Variants in NFAT5 observed in about 807,000 individuals in gnomAD.
The protein encoded by NFAT5 is nuclear factor of activated T cells 5.
In NFAT5, 31 loss-of-function variants were observed where a neutral mutation model predicts 166.5. The ratio of observed to expected loss-of-function variants is 0.19; its 90% CI spans 0.14 to 0.25. The LOEUF (loss-of-function observed/expected upper bound fraction) is 0.25, where lower values mean the gene tolerates loss of function less well. Ranked by LOEUF, NFAT5 falls within the 10% of genes least tolerant of loss-of-function variation. The pLI, the probability that NFAT5 is intolerant of heterozygous loss-of-function variation, is 1.00. For synonymous variants in NFAT5, 612 were observed against 639.7 expected, an observed-to-expected ratio of 0.96 and a Z score of 0.65; for missense variants, 1,449 against 1,821.8, an observed-to-expected ratio of 0.80 and a Z score of 3.72.
chr16:69,573,266 T>C (rs1436147404), intron 2 of NFAT5, among the ~76,000 whole-genome samples: 1 of 152,204 alleles, frequency 6.6e-6, no homozygotes, highest in East Asian at 1.9e-4. Flanking sequence ...CTATTTGATA[T>C]GGTACCATCC....
chr16:69,614,865 G>T (rs140301632), intron 2 of NFAT5, among the ~76,000 whole-genome samples: 85 of 133,610 alleles, frequency 6.4e-4, no homozygotes, highest in African/African-American at 2.3e-3. Flanking sequence ...GGACTTTTAT[G>T]GTTTTCTTTT....
At position 69,697,197 on chromosome 16, in the gene NFAT5, T is replaced by A. The variant is rs1269808933; in HGVS notation, c.*846T>A. The stretch of plus-strand genomic sequence containing the variant: ...CCAGTCTTAGGCTGGTATTCCCTTT[T>A]TATATATATCTATATTACTTTTCAC... On this transcript the variant is annotated 3_prime_UTR_variant, in exon 15 of 15. Coordinates refer to ENST00000349945, the MANE Select transcript of NFAT5 (RefSeq NM_138713.4). 1 of 152,628 alleles carries A rather than the reference T, an allele frequency of 6.6e-6. No individual in the cohort carries two copies. Among genetic ancestry groups the A allele is most frequent in the African/African-American group, 2.4e-5 (1 of 41,458 alleles). The allele number at this position is 152,628 out of a possible 1,614,324, so 9.5% of individuals were successfully genotyped here. A position where few individuals can be genotyped will look rare whatever the true frequency, so the allele number is the denominator to read the frequency against.
In NFAT5 at chr16:69,702,605, G is replaced by T. The variant is rs907666525; in HGVS notation, c.*6254G>T. ...AACTAGTTAGAAATGTAAATTCTTT[G>T]GCCCCATCCCAGACATACTGAGTCA... On this transcript the variant is annotated 3_prime_UTR_variant, in exon 15 of 15. Coordinates refer to ENST00000349945, the MANE Select transcript of NFAT5 (RefSeq NM_138713.4). The T allele has an allele frequency of 6.6e-6, 1 of 151,986 alleles. No individual in the cohort carries two copies. The highest frequency in any genetic ancestry group is 6.6e-5 in the Admixed American group (1 of 15,222). The allele number at this position is 151,986 out of a possible 1,614,324, so 9.4% of individuals were successfully genotyped here. A position where few individuals can be genotyped will look rare whatever the true frequency, so the allele number is the denominator to read the frequency against.
In NFAT5 at chr16:69,692,061, G is replaced by GAC. The variant is rs1176851142; in HGVS notation, c.2236_2237insAC (p.Val746AspfsTer8). ...AGAGATATTACAGTCAGATGGTACA[G>GAC]TGGTTAATTTGTCACAACTGACTGA... is the stretch of plus-strand genomic sequence containing the variant. On this transcript the variant is annotated frameshift_variant, in exon 13 of 15. Transcript: ENST00000349945. LOFTEE classifies it high-confidence loss of function. 1.2e-6 allele frequency: 2 copies of GAC among 1,614,176 alleles called. No individual in the cohort carries two copies.
intron 2 of NFAT5, among the ~76,000 whole-genome samples, chr16:69,585,919 C>T (rs1213401118): frequency 6.6e-6 from 1 of 152,038 alleles, no homozygotes; most frequent in African/African-American, 2.4e-5. Flanking sequence ...TGAAAAAGTT[C>T]TGGAAATGAA....
At chr16:69,596,591 G>A (rs976817082) in intron 2 of NFAT5, among the ~76,000 whole-genome samples, 1 of 151,840 alleles carries the variant, frequency 6.6e-6, no homozygotes, top group Non-Finnish European at 1.5e-5. Flanking sequence ...GGTGGCACGT[G>A]CCTGTAATTG....
chr16:69,637,299 C>T (rs552224659), intron 3 of NFAT5, among the ~76,000 whole-genome samples: 1 of 152,200 alleles, frequency 6.6e-6, no homozygotes, highest in Non-Finnish European at 1.5e-5. Flanking sequence ...CCACATTTTC[C>T]TGTCTTCTTC....
chr16:69,618,112 C>T (rs920367163), intron 2 of NFAT5, among the ~76,000 whole-genome samples: 3 of 147,646 alleles, frequency 2.0e-5, no homozygotes, highest in Non-Finnish European at 4.4e-5. Flanking sequence ...GAGCTGAGAT[C>T]GTGCCATTGC....
intron 11 of NFAT5, among the ~76,000 whole-genome samples, chr16:69,688,233 GT>G (rs2151710879): frequency 7.7e-6 from 1 of 130,050 alleles, no homozygotes; most frequent in South Asian, 2.4e-4. Context: ...AAAACCAGGA[GT>G]TTGAGGCTGC....
chr16:69,600,463 A>G (rs2033066715), intron 2 of NFAT5, among the ~76,000 whole-genome samples: 1 of 152,108 alleles, frequency 6.6e-6, no homozygotes, highest in South Asian at 2.1e-4. Flanking sequence ...AGAAAGGCAT[A>G]TATAAGAATA....
chr16:69,613,344 A>T (rs2033791329), intron 2 of NFAT5, among the ~76,000 whole-genome samples: 1 of 152,142 alleles, frequency 6.6e-6, no homozygotes, highest in Admixed American at 6.5e-5. Flanking sequence ...TGGTAGGATG[A>T]TCTTCCTCAA....
Position 69,566,389 on chromosome 16 carries a change from GGGGGGT to G in NFAT5, c.73+20_73+25del. 1.3e-6 allele frequency: 2 copies of G among 1,564,630 alleles called. No individual in the cohort carries two copies. The highest frequency in any genetic ancestry group is 1.7e-6 in the Non-Finnish European group (2 of 1,146,916). ...CTACTCGCGAGGTGAGTCAGGCTGT[GGGGGGT>G]GGGGCGTGGGGGCGGGGAGACAGGG... is the stretch of plus-strand genomic sequence containing the variant. On this transcript the variant is annotated intron_variant, in intron 1 of 14. Coordinates refer to ENST00000349945, the MANE Select transcript of NFAT5 (RefSeq NM_138713.4). The surrounding 1 kb of genome is among the most constrained non-coding windows in gnomAD (Gnocchi z 5.7).
At chr16:69,662,916 C>T (rs963970963) in intron 7 of NFAT5, among the ~76,000 whole-genome samples, 2 of 152,070 alleles carry the variant, frequency 1.3e-5, no homozygotes, top group Non-Finnish European at 2.9e-5. Flanking sequence ...CAGTAAAACA[C>T]AGGACCCAAA....
At chr16:69,630,569 A>C (rs1363397705) in intron 3 of NFAT5, among the ~76,000 whole-genome samples, 1 of 152,224 alleles carries the variant, frequency 6.6e-6, no homozygotes, top group Non-Finnish European at 1.5e-5. Context: ...TAAAAATATA[A>C]ACTTTCTGAA....
chr16:69,591,349 A>T (rs2032450330), intron 2 of NFAT5, among the ~76,000 whole-genome samples: 2 of 150,292 alleles, frequency 1.3e-5, no homozygotes, highest in South Asian at 4.3e-4. Flanking sequence ...AGCTTTAGAT[A>T]GTTGGTTTTT....
At chr16:69,609,029 G>A (rs556133633) in intron 2 of NFAT5, among the ~76,000 whole-genome samples, 2 of 151,508 alleles carry the variant, frequency 1.3e-5, no homozygotes, top group African/African-American at 4.8e-5. Context: ...GCTGAGGCAG[G>A]AGAATAGTGT....
chr16:69,678,513 C>G (rs532742378), intron 10 of NFAT5, among the ~76,000 whole-genome samples: 28 of 152,166 alleles, frequency 1.8e-4, no homozygotes, highest in African/African-American at 5.8e-4. Context: ...ACGTCCGACC[C>G]TAAAATGTTC....
At chr16:69,654,847 G>A (rs761344145) in intron 5 of NFAT5, among the ~76,000 whole-genome samples, 22 of 152,088 alleles carry the variant, frequency 1.4e-4, no homozygotes, top group Non-Finnish European at 1.3e-4. Context: ...ACTTTGTTTG[G>A]CATGCATTGT....
At chr16:69,588,203 G>T (rs2032220657) in intron 2 of NFAT5, among the ~76,000 whole-genome samples, 1 of 152,000 alleles carries the variant, frequency 6.6e-6, no homozygotes, top group African/African-American at 2.4e-5. Context: ...ACCTGCCTCG[G>T]CCTCCCAAAG....
Sources: gnomAD v4.1 joint callset for allele counts (sites outside exome capture counted in the v4.1 genomes callset) on GRCh38, gnomAD v4.1.1 for gene constraint, Gnocchi (gnomAD v3.1) non-coding constraint, MANE v1.5 for transcripts, NCBI Gene and HGNC (gene_info 2026-07-23, HGNC 2026-07-21) for gene names.